RPS6KC1: variants seen among roughly 807,000 people sequenced by gnomAD.
RPS6KC1 encodes ribosomal protein S6 kinase C1, also known as inactive ribosomal protein S6 kinase delta-1.
RPS6KC1 carries 54 observed loss-of-function variants against 103.8 expected under a neutral mutation model. The ratio of observed to expected loss-of-function variants is 0.52; its 90% CI spans 0.42 to 0.65. The LOEUF is 0.65. Ranked by LOEUF, RPS6KC1 falls within the 30% of genes least tolerant of loss-of-function variation. The pLI is 0.00. For missense variants in RPS6KC1, 1,151 were observed against 1,253.8 expected (o/e 0.92, Z 1.24); for synonymous variants, 439 against 438.7 (o/e 1.00, Z -0.01).
chr1:213,056,845 T>G (rs928854580), intron 1 of RPS6KC1, among the ~76,000 whole-genome samples: 7 of 151,870 alleles, frequency 4.6e-5, no homozygotes, highest in African/African-American at 1.7e-4. Flanking sequence ...ATACCCTGTG[T>G]TCCGGGAAGC....
the RPS6KC1 span, among the ~76,000 whole-genome samples, chr1:213,775,408 G>C: frequency 2.6e-5 from 4 of 152,012 alleles, no homozygotes; most frequent in African/African-American, 7.2e-5. Flanking sequence ...AGATACCATG[G>C]ATTTGGTTCC....
At chr1:213,152,832 C>T (rs1041053099) in intron 6 of RPS6KC1, among the ~76,000 whole-genome samples, 6 of 151,740 alleles carry the variant, frequency 4.0e-5, no homozygotes, top group African/African-American at 9.7e-5. Flanking sequence ...ACTTCCCAGA[C>T]GGGGTGGCGG....
the RPS6KC1 span, among the ~76,000 whole-genome samples, chr1:213,816,143 T>G: frequency 7.9e-5 from 12 of 152,208 alleles, no homozygotes; most frequent in East Asian, 2.1e-3. Context: ...AATAGTAACC[T>G]CAAAGATCCC....
At chr1:213,309,550 C>T in the RPS6KC1 span, among the ~76,000 whole-genome samples, 3 of 152,162 alleles carry the variant, frequency 2.0e-5, no homozygotes, top group Admixed American at 6.5e-5. Context: ...GAAGAAGACT[C>T]GGAGAGGTTG....
the RPS6KC1 span, among the ~76,000 whole-genome samples, chr1:213,558,336 G>A: frequency 7.2e-5 from 11 of 152,298 alleles, no homozygotes; most frequent in Admixed American, 3.9e-4. Flanking sequence ...CCTGGCTTGC[G>A]GCACCTGCCT....
At chr1:213,367,614 C>T in the RPS6KC1 span, among the ~76,000 whole-genome samples, 2 of 152,240 alleles carry the variant, frequency 1.3e-5, no homozygotes, top group African/African-American at 4.8e-5. Context: ...CCCCAGAATG[C>T]AAATAAAAGC....
At chr1:213,240,674 T>C in intron 10 of RPS6KC1, 28 bp from the exon 11 acceptor site, 1 of 1,546,040 alleles carries the variant, frequency 6.5e-7, no homozygotes, top group African/African-American at 1.4e-5. Context: ...CTTAATACTT[T>C]TGTTTGTTTT....
At chr1:213,375,184 CAT>C in the RPS6KC1 span, among the ~76,000 whole-genome samples, 1 of 151,792 alleles carries the variant, frequency 6.6e-6, no homozygotes, top group Non-Finnish European at 1.5e-5. Context: ...CACATACACA[CAT>C]GTACATACAC....
chr1:213,714,504 G>A, the RPS6KC1 span, among the ~76,000 whole-genome samples: 557 of 151,578 alleles, frequency 3.7e-3, 1 homozygote, highest in South Asian at 8.6e-3. Flanking sequence ...AATGGCTTTC[G>A]TCTGTCATTT....
chr1:213,491,301 A>G, the RPS6KC1 span, among the ~76,000 whole-genome samples: 3 of 152,152 alleles, frequency 2.0e-5, no homozygotes, highest in Non-Finnish European at 4.4e-5. Context: ...TAATCCCAGC[A>G]TTTTGGGAGG....
the RPS6KC1 span, chr1:213,794,671 G>A: frequency 1.3e-3 from 204 of 152,122 alleles, no homozygotes; most frequent in African/African-American, 4.8e-3. Context: ...AAGGTGTAGA[G>A]GCTCACCTGT....
chr1:213,432,686 G>T, the RPS6KC1 span, among the ~76,000 whole-genome samples: 1 of 151,238 alleles, frequency 6.6e-6, no homozygotes, highest in Non-Finnish European at 1.5e-5. Context: ...TTCTGTCATT[G>T]TAGATTAGTT....
chr1:213,068,348 G>C (rs996885779), intron 1 of RPS6KC1, among the ~76,000 whole-genome samples: 3 of 151,876 alleles, frequency 2.0e-5, no homozygotes, highest in African/African-American at 7.3e-5. Flanking sequence ...GCTGGGCATG[G>C]TAGCACATGC....
chr1:213,282,785 C>G, the RPS6KC1 span, among the ~76,000 whole-genome samples: 1 of 152,182 alleles, frequency 6.6e-6, no homozygotes, highest in Admixed American at 6.5e-5. Flanking sequence ...AAACACTGTC[C>G]AAGGCATGGA....
intron 12 of RPS6KC1, among the ~76,000 whole-genome samples, chr1:213,247,711 T>A (rs1489800765): frequency 6.6e-6 from 1 of 152,140 alleles, no homozygotes; most frequent in Non-Finnish European, 1.5e-5. Context: ...GTAAAATAGA[T>A]TTGTTGGATA....
At chr1:213,551,631 C>A in the RPS6KC1 span, among the ~76,000 whole-genome samples, 1 of 152,220 alleles carries the variant, frequency 6.6e-6, no homozygotes, top group Non-Finnish European at 1.5e-5. Flanking sequence ...CCGACACAGG[C>A]ACTACCTCCC....
At chr1:213,643,254 A>T in the RPS6KC1 span, among the ~76,000 whole-genome samples, 490 of 152,062 alleles carry the variant, frequency 3.2e-3, 6 homozygotes, top group African/African-American at 0.011. Flanking sequence ...TTACAAATTA[A>T]TTTGAATCTT....
chr1:213,537,136 A>G, the RPS6KC1 span, among the ~76,000 whole-genome samples: 2 of 152,316 alleles, frequency 1.3e-5, no homozygotes, highest in Non-Finnish European at 1.5e-5. Flanking sequence ...GCAACTTCAT[A>G]TAATCCAAAT....
At chr1:213,065,482 C>T (rs960644046) in intron 1 of RPS6KC1, among the ~76,000 whole-genome samples, 9 of 152,136 alleles carry the variant, frequency 5.9e-5, no homozygotes, top group Non-Finnish European at 2.9e-5. Flanking sequence ...TTTTCAGTCA[C>T]GGAAGATAAT....
Sources: allele counts gnomAD v4.1 joint callset (sites outside exome capture counted in the v4.1 genomes callset), GRCh38; gene constraint gnomAD v4.1.1; transcripts MANE v1.5; gene names NCBI Gene and HGNC (gene_info 2026-07-23, HGNC 2026-07-21).